CBFA2T2: variants seen among roughly 807,000 people sequenced by gnomAD.
CBFA2T2 encodes CBFA2/RUNX1 partner transcriptional co-repressor 2.
A neutral mutation model predicts 62.2 loss-of-function variants in CBFA2T2; 11 were observed. The ratio of observed to expected loss-of-function variants is 0.18; its 90% CI spans 0.11 to 0.29. The LOEUF is 0.29. Among genes scored for constraint, CBFA2T2 ranks in the 10% least tolerant of loss-of-function variants. CBFA2T2 has a pLI of 1.00. For missense variants in CBFA2T2, 592 were observed against 774.1 expected (o/e 0.76, Z 2.79); for synonymous variants, 295 against 287.5 (o/e 1.03, Z -0.27).
At chr20:33,612,343 T>A (rs2015561312) in intron 3 of CBFA2T2, among the ~76,000 whole-genome samples, 1 of 152,222 alleles carries the variant, frequency 6.6e-6, no homozygotes, top group African/African-American at 2.4e-5. Context: ...CCTTTGTGTA[T>A]GTTAACCCCT....
At chr20:33,549,188 T>G (rs2012663585) in intron 1 of CBFA2T2, among the ~76,000 whole-genome samples, 1 of 152,132 alleles carries the variant, frequency 6.6e-6, no homozygotes, top group South Asian at 2.1e-4. Context: ...TATTAAAAAC[T>G]ATTTGGTTAG....
rs1271394653 is a variant in CBFA2T2 at position 33,646,975 on chromosome 20, T to G, written c.*2329T>G. On this transcript the variant is annotated 3_prime_UTR_variant, in exon 11 of 11. Transcript: ENST00000342704. ...GCACGACACCTTTAAAATGCCTAGA[T>G]TTCCATTGCCTAAAGTAAGGTGTGA... 6.6e-6 allele frequency: 1 copy of G among 152,138 alleles called. No homozygotes were observed. The highest frequency in any genetic ancestry group is 2.4e-5 in the African/African-American group (1 of 41,438). 9.4% of individuals were successfully genotyped at this position (152,138 alleles called of 1,614,324 possible).
chr20:33,516,357 C>T (rs1397662794), intron 1 of CBFA2T2, among the ~76,000 whole-genome samples: 1 of 150,540 alleles, frequency 6.6e-6, no homozygotes, highest in Non-Finnish European at 1.5e-5. Context: ...GTAATTCCAG[C>T]TACTCAGGAG....
At chr20:33,619,658 T>C in intron 4 of CBFA2T2, 52 bp downstream of exon 4, 2 of 1,280,234 alleles carry the variant, frequency 1.6e-6, no homozygotes, top group Non-Finnish European at 1.1e-6. Context: ...CCTCAAATTC[T>C]GCTAATCCCT....
chr20:33,524,533 A>G lies in CBFA2T2; in HGVS notation c.34+34232A>G, dbSNP rs1413574414. Among the ~76,000 whole-genome samples the G allele has an allele frequency of 3.3e-5, 5 of 152,330 alleles. No individual in the cohort carries two copies. In the South Asian group the frequency reaches 8.3e-4, roughly 25 times the overall value. On this transcript the variant is annotated intron_variant, in intron 1 of 10. Transcript: ENST00000342704. Reference sequence around the variant, plus strand: ...TTTCTTGGAACTTGCCTAGATGGGCATGCCATGAACTTGCAAACGTTGTTC... The same window carrying G: ...TTTCTTGGAACTTGCCTAGATGGGCGTGCCATGAACTTGCAAACGTTGTTC...
At chr20:33,504,072 T>C (rs1028167986) in intron 1 of CBFA2T2, among the ~76,000 whole-genome samples, 6 of 152,162 alleles carry the variant, frequency 3.9e-5, no homozygotes, top group African/African-American at 1.4e-4. Flanking sequence ...GGGGTTTTTG[T>C]TTGCTTGTTT....
At chr20:33,501,800 C>A (rs2011287747) in intron 1 of CBFA2T2, among the ~76,000 whole-genome samples, 1 of 151,582 alleles carries the variant, frequency 6.6e-6, no homozygotes, top group Non-Finnish European at 1.5e-5. Context: ...CCACCACACC[C>A]AGCTAATTTT....
chr20:33,622,691 A>G (rs905214069), intron 4 of CBFA2T2, among the ~76,000 whole-genome samples: 1 of 152,214 alleles, frequency 6.6e-6, no homozygotes, highest in Non-Finnish European at 1.5e-5. Flanking sequence ...GCTGGAAGGA[A>G]GGTTGAGTAG....
chr20:33,537,181 A>C (rs2012279751), intron 1 of CBFA2T2, among the ~76,000 whole-genome samples: 1 of 152,248 alleles, frequency 6.6e-6, no homozygotes, highest in Non-Finnish European at 1.5e-5. Flanking sequence ...ACGCCACTGC[A>C]TTCAGCCTGG....
intron 8 of CBFA2T2, 123 bp downstream of exon 8, chr20:33,630,037 A>C (rs199636670): frequency 2.3e-5 from 19 of 832,542 alleles, no homozygotes; most frequent in Non-Finnish European, 3.4e-5. Context: ...GGATTTAGGG[A>C]AACTCAGGTG....
intron 1 of CBFA2T2, among the ~76,000 whole-genome samples, chr20:33,572,563 A>G (rs1363987927): frequency 6.6e-6 from 1 of 152,256 alleles, no homozygotes; most frequent in Non-Finnish European, 1.5e-5. Context: ...TGTGTGCTGA[A>G]TAACAATAAT....
chr20:33,542,541 T>TGTG (rs1419705131), intron 1 of CBFA2T2, among the ~76,000 whole-genome samples: 4 of 152,216 alleles, frequency 2.6e-5, no homozygotes, highest in Non-Finnish European at 5.9e-5. Context: ...GTATATATAT[T>TGTG]GTGGACATAT....
At chr20:33,507,353 C>G (rs957676839) in intron 1 of CBFA2T2, among the ~76,000 whole-genome samples, 2 of 152,160 alleles carry the variant, frequency 1.3e-5, no homozygotes, top group Admixed American at 1.3e-4. Context: ...AACATCCTAC[C>G]AAGGATGGGC....
In CBFA2T2 at chr20:33,636,723, G is replaced by C; in HGVS notation, c.1297+15G>C. ...GAAAAAAACAGGTATGTGTCTGACT[G>C]CTTGTAGGTCATACATACTCACTAA... On this transcript the variant is annotated intron_variant, in intron 9 of 10. Transcript: ENST00000342704. 1 of 1,588,070 alleles carries C rather than the reference G, an allele frequency of 6.3e-7. No homozygotes were observed. The highest frequency in any genetic ancestry group is 1.3e-5 in the African/African-American group (1 of 74,504).
intron 1 of CBFA2T2, among the ~76,000 whole-genome samples, chr20:33,539,144 C>T (rs1431740876): frequency 2.0e-5 from 3 of 152,192 alleles, no homozygotes; most frequent in Non-Finnish European, 4.4e-5. Context: ...TCCCATTTTG[C>T]TGCTTAGTGT....
At chr20:33,553,507 C>T (rs2012798565) in intron 1 of CBFA2T2, among the ~76,000 whole-genome samples, 1 of 152,250 alleles carries the variant, frequency 6.6e-6, no homozygotes, top group African/African-American at 2.4e-5. Context: ...GCTGGGATTA[C>T]AGGCGTGAGC....
At chr20:33,503,287 C>T (rs1424777223) in intron 1 of CBFA2T2, among the ~76,000 whole-genome samples, 2 of 135,272 alleles carry the variant, frequency 1.5e-5, no homozygotes, top group South Asian at 2.4e-4. Context: ...TGGAGTCTCG[C>T]CCAGTCGCCC....
At chr20:33,613,580 T>A (rs1194508619) in intron 3 of CBFA2T2, among the ~76,000 whole-genome samples, 2 of 152,232 alleles carry the variant, frequency 1.3e-5, no homozygotes, top group Non-Finnish European at 2.9e-5. Flanking sequence ...AAGGTTTTTG[T>A]TGGGGCCTGG....
intron 1 of CBFA2T2, among the ~76,000 whole-genome samples, chr20:33,602,975 A>G (rs1347503283): frequency 6.6e-6 from 1 of 152,218 alleles, no homozygotes; most frequent in Non-Finnish European, 1.5e-5. Flanking sequence ...TACTCTGGAC[A>G]AAGGGATGAT....
Sources: gnomAD v4.1 joint callset for allele counts (sites outside exome capture counted in the v4.1 genomes callset) on GRCh38, gnomAD v4.1.1 for gene constraint, MANE v1.5 for transcripts, NCBI Gene and HGNC (gene_info 2026-07-23, HGNC 2026-07-21) for gene names.